TMCC1: variants seen among roughly 807,000 people sequenced by gnomAD.
The protein encoded by TMCC1 is transmembrane and coiled-coil domains protein 1.
A neutral mutation model predicts 52.4 loss-of-function variants in TMCC1; 15 were observed. The observed-to-expected ratio is 0.29, with a 90% confidence interval of 0.19 to 0.44. TMCC1 has a LOEUF of 0.44. Ranked by LOEUF, TMCC1 falls within the 20% of genes least tolerant of loss-of-function variation. The probability of loss-of-function intolerance (pLI) is 1.00; values close to 1 mark genes in which losing one functional copy is unlikely to be tolerated. For synonymous variants in TMCC1, 279 were observed against 301.9 expected (o/e 0.92, Z 0.79); for missense variants, 503 against 806.0 (o/e 0.62, Z 4.55).
At chr3:129,893,137 A>C (rs1455932651) in intron 1 of TMCC1, 2 of 152,262 alleles carry the variant, frequency 1.3e-5, no homozygotes, top group African/African-American at 4.8e-5. Context: ...GCTCCTAAAC[A>C]GTCCCTCGGG....
intron 2 of TMCC1, among the ~76,000 whole-genome samples, chr3:129,870,759 CAAAA>C (rs61673201): frequency 4.7e-4 from 5 of 10,678 alleles, no homozygotes; most frequent in Admixed American, 2.3e-3. Flanking sequence ...GACTCCATCT[CAAAA>C]AAAAAAAAAA....
rs1328979340 is a variant in TMCC1, at chr3:129,730,856, T to C, written c.577-59592A>G. On this transcript the variant is annotated intron_variant, in intron 4 of 6. Coordinates refer to ENST00000393238, the MANE Select transcript of TMCC1 (RefSeq NM_001017395.5). Reference sequence around the variant, plus strand: ...GAAATAGATAAACTGAATGGTTATATAACAGTTTTTAAAATGAAATTTTGT... The same window carrying C: ...GAAATAGATAAACTGAATGGTTATACAACAGTTTTTAAAATGAAATTTTGT... Among the ~76,000 whole-genome samples the C allele has an allele frequency of 3.3e-5, 5 of 152,242 alleles. No individual in the cohort carries two copies. The South Asian group carries it at 6.2e-4, about 19-fold the overall frequency.
chr3:129,826,910 A>G (rs979249617), intron 4 of TMCC1, among the ~76,000 whole-genome samples: 1 of 152,226 alleles, frequency 6.6e-6, no homozygotes, highest in African/African-American at 2.4e-5. Context: ...GACCTAGCCC[A>G]CAAATGTGTT....
chr3:129,722,994 T>C (rs2049749067), intron 4 of TMCC1, among the ~76,000 whole-genome samples: 1 of 152,230 alleles, frequency 6.6e-6, no homozygotes, highest in Admixed American at 6.5e-5. Flanking sequence ...AATATGAATG[T>C]ACATTAACTT....
At chr3:129,811,162 A>G (rs939270587) in intron 4 of TMCC1, among the ~76,000 whole-genome samples, 1 of 152,246 alleles carries the variant, frequency 6.6e-6, no homozygotes, top group African/African-American at 2.4e-5. Context: ...TATATTGATC[A>G]GTTACTCTGA....
At chr3:129,763,475 G>A (rs1409908761) in intron 4 of TMCC1, among the ~76,000 whole-genome samples, 1 of 142,772 alleles carries the variant, frequency 7.0e-6, no homozygotes, top group African/African-American at 2.6e-5. Flanking sequence ...GAACCCAGGA[G>A]GTGGTTGCAG....
chr3:129,660,349 C>T (rs988384926), intron 5 of TMCC1, among the ~76,000 whole-genome samples: 51 of 152,184 alleles, frequency 3.4e-4, no homozygotes, highest in African/African-American at 1.2e-3. Context: ...GACGGGGTTT[C>T]GCCATGTTAC....
intron 2 of TMCC1, among the ~76,000 whole-genome samples, chr3:129,852,510 G>A (rs1023638261): frequency 1.5e-5 from 2 of 137,194 alleles, no homozygotes; most frequent in Non-Finnish European, 1.6e-5. Context: ...ATACAACAAC[G>A]AAGATGAACC....
intron 5 of TMCC1, among the ~76,000 whole-genome samples, chr3:129,658,379 C>T (rs921735266): frequency 2.0e-5 from 3 of 152,176 alleles, no homozygotes; most frequent in Non-Finnish European, 4.4e-5. Context: ...AATATACAGA[C>T]ACTCTTTGAC....
rs2086203179 is a variant in TMCC1 at position 129,649,501 on chromosome 3, GGT to G, written c.*1978_*1979del. 2 of 152,428 alleles carry G rather than the reference GGT, an allele frequency of 1.3e-5. No homozygotes were observed. Among genetic ancestry groups the G allele is most frequent in the South Asian group, 4.2e-4 (2 of 4,818 alleles). The allele number at this position is 152,428 out of a possible 1,614,324, so 9.4% of individuals were successfully genotyped here. On this transcript the variant is annotated 3_prime_UTR_variant, in exon 7 of 7. Transcript: ENST00000393238. ...TTTTGAGGGGGCAACAGAGCTAGCA[GGT>G]GTACTACAATCAGCTGAGGTTGGGG... is the stretch of plus-strand genomic sequence containing the variant.
intron 4 of TMCC1, among the ~76,000 whole-genome samples, chr3:129,777,373 T>A (rs1163982726): frequency 6.6e-6 from 1 of 152,332 alleles, no homozygotes; most frequent in East Asian, 1.9e-4. Context: ...TGAAAATCCG[T>A]ATCTATTCTG....
At chr3:129,690,820 T>A (rs549260395) in intron 4 of TMCC1, among the ~76,000 whole-genome samples, 3 of 152,336 alleles carry the variant, frequency 2.0e-5, no homozygotes, top group South Asian at 4.1e-4. Context: ...ATAAAAGTAA[T>A]GATTTTATCT....
chr3:129,712,692 A>T (rs1441835544), intron 4 of TMCC1, among the ~76,000 whole-genome samples: 1 of 151,946 alleles, frequency 6.6e-6, no homozygotes, highest in African/African-American at 2.4e-5. Flanking sequence ...GGCTCAAGTG[A>T]TCCTCCCACC....
chr3:129,732,918 T>C (rs1026219370), intron 4 of TMCC1, among the ~76,000 whole-genome samples: 4 of 152,226 alleles, frequency 2.6e-5, no homozygotes, highest in African/African-American at 7.2e-5. Context: ...GAACCAGAAC[T>C]GAAGGCTTCT....
At chr3:129,688,700 GCGCACGCAGT>G in intron 4 of TMCC1, 2 of 985,438 alleles carry the variant, frequency 2.0e-6, no homozygotes, top group Non-Finnish European at 2.4e-6. Flanking sequence ...GTGTGTGCGC[GCGCACGCAGT>G]TTGCTAGAGC....
At chr3:129,674,538 A>G (rs1324229871) in intron 4 of TMCC1, among the ~76,000 whole-genome samples, 1 of 152,172 alleles carries the variant, frequency 6.6e-6, no homozygotes, top group East Asian at 1.9e-4. Flanking sequence ...AGTGAAAGAA[A>G]GGGAAGGAGA....
intron 2 of TMCC1, among the ~76,000 whole-genome samples, chr3:129,838,620 G>A (rs1035301714): frequency 6.6e-6 from 1 of 151,536 alleles, no homozygotes. Context: ...AGGTGTGGTG[G>A]TGCGTGCCTG....
chr3:129,736,325 A>G (rs2050957668), intron 4 of TMCC1, among the ~76,000 whole-genome samples: 1 of 152,162 alleles, frequency 6.6e-6, no homozygotes, highest in African/African-American at 2.4e-5. Flanking sequence ...AGAATGCTAC[A>G]CTGTAGAGTC....
In TMCC1 at chr3:129,654,055, C is replaced by T. The variant is rs569974658; in HGVS notation, c.1647+913G>A. ...AACCCCCCCAAAAAAAGTGTCTGTT[C>T]TCCTCAAGGTCATAGCCTTCACTCA... On this transcript the variant is annotated intron_variant, in intron 6 of 6. Coordinates refer to ENST00000393238, the MANE Select transcript of TMCC1 (RefSeq NM_001017395.5). Among the ~76,000 whole-genome samples the T allele has an allele frequency of 3.3e-5, 5 of 152,176 alleles. No homozygotes were observed. In the South Asian group the frequency reaches 1.0e-3, roughly 32 times the overall value.
Sources: allele counts gnomAD v4.1 joint callset (sites outside exome capture counted in the v4.1 genomes callset), GRCh38; gene constraint gnomAD v4.1.1; transcripts MANE v1.5; gene names NCBI Gene and HGNC (gene_info 2026-07-23, HGNC 2026-07-21).